Variants in UNC5D observed in about 807,000 individuals in gnomAD.
UNC5D encodes the protein unc-5 netrin receptor D, also known as netrin receptor UNC5D.
A neutral mutation model predicts 105.4 loss-of-function variants in UNC5D; 39 were observed. The observed-to-expected ratio is 0.37, with a 90% confidence interval of 0.29 to 0.48. UNC5D has a LOEUF of 0.48. Ranked by LOEUF, UNC5D falls within the 20% of genes least tolerant of loss-of-function variation. The pLI, the probability that UNC5D is intolerant of heterozygous loss-of-function variation, is 0.98. For synonymous variants in UNC5D, 452 were observed against 450.4 expected (o/e 1.00, Z -0.04); for missense variants, 991 against 1,202.4 (o/e 0.82, Z 2.60).
chr8:35,431,001 ATTG>A (rs1489969430), intron 1 of UNC5D, among the ~76,000 whole-genome samples: 1 of 152,188 alleles, frequency 6.6e-6, no homozygotes, highest in Non-Finnish European at 1.5e-5. Flanking sequence ...AAAGTATATT[ATTG>A]TTATTACCTC....
chr8:35,235,925 C>A, intron 1 of UNC5D, 38 bp downstream of exon 1: 1 of 1,221,594 alleles, frequency 8.2e-7, no homozygotes, highest in Admixed American at 4.3e-5. Context: ...GGGGCGAGGG[C>A]GCAGGGGCGC....
At chr8:35,297,944 A>T (rs1296243328) in intron 1 of UNC5D, among the ~76,000 whole-genome samples, 1 of 152,142 alleles carries the variant, frequency 6.6e-6, no homozygotes, top group Non-Finnish European at 1.5e-5. Flanking sequence ...AGAGAACAGG[A>T]CCTGGCCTTT....
At chr8:35,245,636 A>C (rs1198492262) in intron 1 of UNC5D, among the ~76,000 whole-genome samples, 1 of 152,186 alleles carries the variant, frequency 6.6e-6, no homozygotes, top group African/African-American at 2.4e-5. Flanking sequence ...AAAAATATCC[A>C]TCTGATGTTT....
intron 1 of UNC5D, among the ~76,000 whole-genome samples, chr8:35,311,338 G>A (rs530190982): frequency 7.4e-4 from 112 of 152,232 alleles, no homozygotes; most frequent in African/African-American, 2.5e-3. Flanking sequence ...TCAGAGGAGC[G>A]ATGTGATCTC....
chr8:35,394,716 A>C (rs1246919337), intron 1 of UNC5D, among the ~76,000 whole-genome samples: 3 of 152,202 alleles, frequency 2.0e-5, no homozygotes, highest in African/African-American at 7.2e-5. Context: ...GGAGGAACCG[A>C]ATTCCAGCTT....
At chr8:35,757,664 C>G (rs1459166388) in intron 13 of UNC5D, among the ~76,000 whole-genome samples, 1 of 152,184 alleles carries the variant, frequency 6.6e-6, no homozygotes, top group Non-Finnish European at 1.5e-5. Flanking sequence ...TGTTTCATTT[C>G]TGCACACCCA....
At chr8:35,633,225 A>G (rs919205189) in intron 4 of UNC5D, among the ~76,000 whole-genome samples, 5 of 152,224 alleles carry the variant, frequency 3.3e-5, no homozygotes, top group African/African-American at 1.2e-4. Flanking sequence ...ACACAACTCT[A>G]CAATGCTTAA....
intron 1 of UNC5D, among the ~76,000 whole-genome samples, chr8:35,538,745 T>C (rs1815053127): frequency 6.6e-6 from 1 of 152,050 alleles, no homozygotes; most frequent in Non-Finnish European, 1.5e-5. Flanking sequence ...GGGAGAAAAG[T>C]AGGTGATACC....
intron 1 of UNC5D, among the ~76,000 whole-genome samples, chr8:35,289,366 T>C (rs545628570): frequency 6.6e-6 from 1 of 152,290 alleles, no homozygotes; most frequent in African/African-American, 2.4e-5. Context: ...ATAGAAATTA[T>C]TAAATGATCT....
At chr8:35,484,096 T>A (rs1269579063) in intron 1 of UNC5D, among the ~76,000 whole-genome samples, 2 of 152,174 alleles carry the variant, frequency 1.3e-5, no homozygotes, top group Non-Finnish European at 2.9e-5. Flanking sequence ...CCCTTATCTC[T>A]GCCTGTAGTG....
At chr8:35,445,770 C>A (rs1807742754) in intron 1 of UNC5D, among the ~76,000 whole-genome samples, 2 of 151,968 alleles carry the variant, frequency 1.3e-5, no homozygotes, top group Non-Finnish European at 2.9e-5. Context: ...AGGTGGTGCT[C>A]ATTCATGTTT....
chr8:35,249,974 C>G (rs925868574), intron 1 of UNC5D, among the ~76,000 whole-genome samples: 2 of 151,660 alleles, frequency 1.3e-5, no homozygotes, highest in Non-Finnish European at 2.9e-5. Context: ...AGTATTTTCA[C>G]CTAGGGTTAG....
chr8:35,438,470 T>C (rs1807176618), intron 1 of UNC5D, among the ~76,000 whole-genome samples: 1 of 152,074 alleles, frequency 6.6e-6, no homozygotes, highest in African/African-American at 2.4e-5. Flanking sequence ...TTAGTAATCA[T>C]GCTGGGACAA....
At chr8:35,247,010 T>G (rs1344692211) in intron 1 of UNC5D, among the ~76,000 whole-genome samples, 1 of 152,046 alleles carries the variant, frequency 6.6e-6, no homozygotes, top group Non-Finnish European at 1.5e-5. Context: ...AAAAAGGTGT[T>G]GAGGAGTGAA....
intron 1 of UNC5D, among the ~76,000 whole-genome samples, chr8:35,481,183 G>A (rs1008483427): frequency 2.0e-5 from 3 of 152,174 alleles, no homozygotes; most frequent in African/African-American, 7.2e-5. Flanking sequence ...ACCAGAAGAG[G>A]GGATTGACCT....
At chr8:35,386,184 A>C (rs1803387156) in intron 1 of UNC5D, among the ~76,000 whole-genome samples, 1 of 152,210 alleles carries the variant, frequency 6.6e-6, no homozygotes, top group Non-Finnish European at 1.5e-5. Flanking sequence ...AGTAAGAAGT[A>C]TTCATAAAGT....
intron 1 of UNC5D, among the ~76,000 whole-genome samples, chr8:35,244,016 T>G (rs1220647833): frequency 6.6e-6 from 1 of 152,204 alleles, no homozygotes; most frequent in Admixed American, 6.5e-5. Flanking sequence ...CATTCCTAGA[T>G]AGATTCTTCT....
chr8:35,512,519 T>G (rs1812802170), intron 1 of UNC5D, among the ~76,000 whole-genome samples: 1 of 79,458 alleles, frequency 1.3e-5, no homozygotes, highest in Non-Finnish European at 2.3e-5. Flanking sequence ...TCTGCATAGA[T>G]TATATATTCA....
intron 1 of UNC5D, among the ~76,000 whole-genome samples, chr8:35,512,393 A>G (rs1812769843): frequency 6.9e-6 from 1 of 144,750 alleles, no homozygotes; most frequent in African/African-American, 2.6e-5. Context: ...ACGTGCTTAT[A>G]TAGTCTTAGC....
Sources: gnomAD v4.1 joint callset for allele counts (sites outside exome capture counted in the v4.1 genomes callset) on GRCh38, gnomAD v4.1.1 for gene constraint, MANE v1.5 for transcripts, NCBI Gene and HGNC (gene_info 2026-07-23, HGNC 2026-07-21) for gene names.